PELI2: variants seen among roughly 807,000 people sequenced by gnomAD.
The protein encoded by PELI2 is pellino E3 ubiquitin protein ligase family member 2, also known as E3 ubiquitin-protein ligase pellino homolog 2.
A neutral mutation model predicts 42.3 loss-of-function variants in PELI2; 23 were observed. The observed-to-expected ratio is 0.54, with a 90% CI of 0.39 to 0.77. PELI2 has a LOEUF of 0.77. PELI2 is among the 30% of genes least tolerant of loss of function. The pLI, the probability that PELI2 is intolerant of heterozygous loss-of-function variation, is 0.00. For synonymous variants in PELI2, 245 were observed against 212.2 expected, an observed-to-expected ratio of 1.15 and a Z score of -1.34; for missense variants, 463 against 553.2, an observed-to-expected ratio of 0.84 and a Z score of 1.64.
chr14:56,122,363 A>G (rs538823850), intron 1 of PELI2, among the ~76,000 whole-genome samples: 3 of 152,278 alleles, frequency 2.0e-5, no homozygotes, highest in African/African-American at 7.2e-5. Context: ...GAGAGGTTCA[A>G]GTTCATAGTT....
intron 1 of PELI2, among the ~76,000 whole-genome samples, chr14:56,153,862 G>A (rs1047075353): frequency 3.9e-5 from 6 of 152,108 alleles, no homozygotes; most frequent in South Asian, 2.1e-4. Flanking sequence ...TAACAATTTG[G>A]GTGCATGGTA....
rs185155739 is a variant in PELI2, at chr14:56,278,382, A to C, written c.208-1294A>C. ...ATTAACACAAAGATTACATCCACTT[A>C]AATTGAAAATAGTTCTTTATAAATT... On this transcript the variant is annotated intron_variant, in intron 2 of 5. Coordinates refer to ENST00000267460, the MANE Select transcript of PELI2 (RefSeq NM_021255.3). Among the ~76,000 whole-genome samples the C allele has an allele frequency of 5.3e-4, 81 of 152,310 alleles. 1 individual carries two copies. Among genetic ancestry groups the C allele is most frequent in the East Asian group, 4.2e-3 (22 of 5,190 alleles).
intron 2 of PELI2, among the ~76,000 whole-genome samples, chr14:56,208,733 A>C (rs1886608036): frequency 6.6e-6 from 1 of 152,230 alleles, no homozygotes; most frequent in African/African-American, 2.4e-5. Context: ...AACTTTTGTC[A>C]CATACCAAAG....
chr14:56,275,104 C>T (rs1347461846), intron 2 of PELI2, among the ~76,000 whole-genome samples: 1 of 152,068 alleles, frequency 6.6e-6, no homozygotes, highest in Admixed American at 6.5e-5. Flanking sequence ...GTTTGACATT[C>T]ATTGAATGCC....
chr14:56,229,279 G>A (rs891437762), intron 2 of PELI2, among the ~76,000 whole-genome samples: 27 of 152,210 alleles, frequency 1.8e-4, no homozygotes, highest in African/African-American at 3.6e-4. Context: ...ATCTGAGAAC[G>A]GACAGACTGC....
At chr14:56,174,338 CTGTGCCACCCTA>C (rs1462805836) in intron 1 of PELI2, among the ~76,000 whole-genome samples, 1 of 152,260 alleles carries the variant, frequency 6.6e-6, no homozygotes, top group African/African-American at 2.4e-5. Flanking sequence ...TCCTCCTGCA[CTGTGCCACCCTA>C]TGTGATTACT....
chr14:56,124,643 A>G (rs879890307), intron 1 of PELI2, among the ~76,000 whole-genome samples: 4 of 152,198 alleles, frequency 2.6e-5, no homozygotes, highest in Admixed American at 6.5e-5. Context: ...GATGAACAAG[A>G]CAGTCATGGT....
chr14:56,238,461 A>G (rs1321458169), intron 2 of PELI2, among the ~76,000 whole-genome samples: 6 of 152,158 alleles, frequency 3.9e-5, no homozygotes, highest in Non-Finnish European at 8.8e-5. Context: ...TATTTTTAGG[A>G]GGCAGTTCTA....
intron 2 of PELI2, among the ~76,000 whole-genome samples, chr14:56,256,228 G>T (rs1349427893): frequency 6.6e-6 from 1 of 151,998 alleles, no homozygotes; most frequent in Non-Finnish European, 1.5e-5. Flanking sequence ...AAGAGTTCGA[G>T]ACCAGCCTGG....
chr14:56,286,517 T>C (rs1173848987), intron 3 of PELI2, among the ~76,000 whole-genome samples: 2 of 152,230 alleles, frequency 1.3e-5, no homozygotes, highest in Non-Finnish European at 2.9e-5. Flanking sequence ...TAGCTAGTTA[T>C]ATGACTACCG....
intron 2 of PELI2, among the ~76,000 whole-genome samples, chr14:56,251,167 G>A (rs1226171369): frequency 6.6e-5 from 10 of 152,188 alleles, no homozygotes; most frequent in Admixed American, 1.3e-4. Context: ...GCTATTAGTA[G>A]CCAGCACTCA....
At position 56,290,250 on chromosome 14, in the gene PELI2, C is replaced by A; in HGVS notation, c.508-18C>A. 1.3e-6 allele frequency: 2 copies of A among 1,507,452 alleles called. No homozygotes were observed. Among genetic ancestry groups the A allele is most frequent in the Non-Finnish European group, 8.9e-7 (1 of 1,117,480 alleles). 93.4% of individuals were successfully genotyped at this position (1,507,452 alleles called of 1,614,324 possible). On this transcript the variant is annotated intron_variant, in intron 4 of 5. Coordinates refer to ENST00000267460, the MANE Select transcript of PELI2 (RefSeq NM_021255.3). ...ATCATCTTAACCTACTTTTTCTGTT[C>A]TGCTGTGTTCTCTCCAGGAAAAGGC...
rs1276464589 is a variant in PELI2 at position 56,118,540 on chromosome 14, G to T, written c.-121G>T. 6 of 540,722 alleles carry T rather than the reference G, an allele frequency of 1.1e-5. No individual in the cohort carries two copies. The highest frequency in any genetic ancestry group is 1.7e-5 in the Non-Finnish European group (6 of 355,108). The allele number at this position is 540,722 out of a possible 1,614,324, so 33.5% of individuals were successfully genotyped here. The stretch of plus-strand genomic sequence containing the variant: ...CGCCCCGCGCCCCCTTCGCCGCCGT[G>T]CCCTTCCCCGGCGCGCTCACCCCGT... On this transcript the variant is annotated 5_prime_UTR_variant, in exon 1 of 6. Transcript: ENST00000267460.
intron 1 of PELI2, among the ~76,000 whole-genome samples, chr14:56,125,028 C>G (rs1456486861): frequency 6.6e-6 from 1 of 152,148 alleles, no homozygotes; most frequent in African/African-American, 2.4e-5. Context: ...GAAGAAAGCC[C>G]TCTGCTCTTT....
chr14:56,145,529 C>T (rs945883434), intron 1 of PELI2, among the ~76,000 whole-genome samples: 15 of 152,172 alleles, frequency 9.9e-5, no homozygotes, highest in Non-Finnish European at 2.1e-4. Context: ...ACCTTCTTTC[C>T]ACTCCTTCTA....
chr14:56,165,695 GTTATTA>G (rs770530393), intron 1 of PELI2, among the ~76,000 whole-genome samples: 1 of 152,146 alleles, frequency 6.6e-6, no homozygotes, highest in Non-Finnish European at 1.5e-5. Context: ...GAAGTCTCCA[GTTATTA>G]TTGTATTGGG....
chr14:56,221,323 G>A (rs187526302), intron 2 of PELI2, among the ~76,000 whole-genome samples: 1 of 152,142 alleles, frequency 6.6e-6, no homozygotes, highest in Non-Finnish European at 1.5e-5. Context: ...AAGTGGGTTC[G>A]AGGCATCAGC....
intron 1 of PELI2, among the ~76,000 whole-genome samples, chr14:56,172,289 G>A (rs1476042519): frequency 6.6e-6 from 1 of 152,184 alleles, no homozygotes; most frequent in Non-Finnish European, 1.5e-5. Context: ...GGCTGGAAGG[G>A]TGGGCTCTGC....
chr14:56,285,417 A>G (rs1007527712), intron 3 of PELI2, among the ~76,000 whole-genome samples: 1 of 152,200 alleles, frequency 6.6e-6, no homozygotes. Flanking sequence ...CATATATTAC[A>G]TTTGAGATAT....
Sources: allele counts gnomAD v4.1 joint callset (sites outside exome capture counted in the v4.1 genomes callset), GRCh38; gene constraint gnomAD v4.1.1; transcripts MANE v1.5; gene names NCBI Gene and HGNC (gene_info 2026-07-23, HGNC 2026-07-21).